The following ERI2 variants were observed in gnomAD, a reference collection of about 807,000 sequenced individuals.
The protein encoded by ERI2 is ERI1 exoribonuclease family member 2.
In ERI2, 35 loss-of-function variants were observed where a neutral mutation model predicts 46.8. The ratio of observed to expected loss-of-function variants is 0.75; its 90% CI spans 0.57 to 0.99. ERI2 has a LOEUF of 0.99. Ranked by LOEUF, ERI2 falls within the 50% of genes least tolerant of loss-of-function variation. The probability of loss-of-function intolerance (pLI) is 0.00; values close to 1 mark genes in which losing one functional copy is unlikely to be tolerated. For missense variants in ERI2, 695 were observed against 796.2 expected, an observed-to-expected ratio of 0.87 and a Z score of 1.53; for synonymous variants, 224 against 271.0, an observed-to-expected ratio of 0.83 and a Z score of 1.70.
intron 10 of ERI2, among the ~76,000 whole-genome samples, chr16:20,785,814 TAAC>T (rs1367095721): frequency 6.6e-6 from 1 of 152,172 alleles, no homozygotes; most frequent in Non-Finnish European, 1.5e-5. Flanking sequence ...AGAAATAGCA[TAAC>T]AAGTATGCTA....
downstream of ERI2, among the ~76,000 whole-genome samples, chr16:20,791,569 A>G (rs969020782): frequency 1.3e-5 from 2 of 152,132 alleles, no homozygotes; most frequent in Admixed American, 6.5e-5. Flanking sequence ...TTCACAATCT[A>G]TCTCTTCCTA....
intron 4 of ERI2, among the ~76,000 whole-genome samples, chr16:20,802,071 G>A (rs533109532): frequency 6.7e-6 from 1 of 149,550 alleles, no homozygotes; most frequent in African/African-American, 2.4e-5. Flanking sequence ...GAGTCCTGAG[G>A]TGACTCACGC....
intron 10 of ERI2, chr16:20,784,659 C>A (rs2080430306): frequency 1.2e-5 from 2 of 163,674 alleles, no homozygotes; most frequent in South Asian, 1.8e-4. Flanking sequence ...TTATGGGGTA[C>A]CTTCCCTAAG....
At chr16:20,786,309 T>A in intron 10 of ERI2, 1 of 1,369,582 alleles carries the variant, frequency 7.3e-7, no homozygotes, top group Non-Finnish European at 9.6e-7. Flanking sequence ...TGAAAATGAT[T>A]AGAAATGTTA....
chr16:20,782,172 TGAAAGGGTTCATTG>T (rs2080366062), intron 10 of ERI2, among the ~76,000 whole-genome samples: 1 of 152,220 alleles, frequency 6.6e-6, no homozygotes, highest in Admixed American at 6.5e-5. Context: ...TGATTCCATT[TGAAAGGGTTCATTG>T]GTAATCCAAA....
intron 7 of ERI2, 75 bp downstream of exon 7, chr16:20,799,882 T>C (rs1354470837): frequency 2.3e-6 from 2 of 873,186 alleles, no homozygotes; most frequent in Admixed American, 4.3e-5. Context: ...ACTAATGACA[T>C]TACCAAAAAA....
At chr16:20,801,100 T>C in intron 5 of ERI2, 103 bp downstream of exon 5, 1 of 1,116,270 alleles carries the variant, frequency 9.0e-7, no homozygotes, top group East Asian at 2.8e-5. Context: ...CCCAGAAGAT[T>C]AACAAACATA....
rs2080755886 is a variant in ERI2, at chr16:20,798,232, C to T, written c.1568G>A (p.Gly523Glu). 1.9e-6 allele frequency: 3 copies of T among 1,551,528 alleles called. No homozygotes were observed. The highest frequency in any genetic ancestry group is 1.7e-6 in the Non-Finnish European group (2 of 1,146,908). Residue 523 changes from glycine (G) to glutamate (E), a missense_variant, in exon 9 of 9, where the codon GGG becomes GAG. Gly to Glu is a moderately conservative substitution (Grantham distance 98). Transcript: ENST00000357967. ...NANMSHPLVLGKHPLLSGGTK... is the reference protein window; with the variant it reads ...NANMSHPLVLEKHPLLSGGTK... ...ACCACCTGAAAGAAGAGGATGTTTC[C>T]CCAAAACTAAAGGATGAGACATATT...
exon 10 of ERI2, chr16:20,789,506 T>C: frequency 6.2e-7 from 1 of 1,613,828 alleles, no homozygotes; most frequent in Non-Finnish European, 8.5e-7. Context: ...TATTCCCCTT[T>C]TCCTGTTTAC....
Position 20,798,126 on chromosome 16 carries a change from T to C in ERI2, c.1674A>G (p.Thr558=). Residue 558 remains threonine, a synonymous_variant, in exon 9 of 9, where the codon ACA becomes ACG. Transcript: ENST00000357967. ...QPFTIHEEKP[T]SSDCSPVRSS... is the part of the protein sequence containing the mutation. The stretch of plus-strand genomic sequence containing the variant: ...TTCTTACTGGGGAGCAATCAGATGA[T>C]GTAGGCTTTTCTTCATGAATAGTGA... 6.4e-7 allele frequency: 1 copy of C among 1,551,532 alleles called. No homozygotes were observed. Among genetic ancestry groups the C allele is most frequent in the Non-Finnish European group, 8.7e-7 (1 of 1,146,908 alleles).
intron 8 of ERI2, among the ~76,000 whole-genome samples, chr16:20,791,240 TTA>T (rs2080590207): frequency 6.6e-6 from 1 of 152,228 alleles, no homozygotes; most frequent in Non-Finnish European, 1.5e-5. Context: ...TTGTTTTTTC[TTA>T]TGTCAGACTT....
At position 20,798,908 on chromosome 16, in the gene ERI2, T is replaced by C. The variant is rs557835094; in HGVS notation, c.892A>G (p.Ile298Val). 1.0e-5 allele frequency: 16 copies of C among 1,550,952 alleles called. No homozygotes were observed. Among genetic ancestry groups the C allele is most frequent in the South Asian group, 2.4e-5 (2 of 83,772 alleles). The change falls in exon 9 of 9, where the codon ATT becomes GTT. Residue 298 changes from isoleucine to valine, a missense_variant. By Grantham distance (29) the Ile-to-Val change is conservative. Transcript: ENST00000357967. ...GCCTTTATAGGAGAATTTGCACAAA[T>C]TGACTTCATTTGAACTTTTTCATGA... Reference protein sequence around the residue: ...NPHEKVQMKSICANSPIKAQQ... With the variant: ...NPHEKVQMKSVCANSPIKAQQ...
intron 10 of ERI2, among the ~76,000 whole-genome samples, chr16:20,785,861 G>A (rs545231578): frequency 1.3e-5 from 2 of 152,174 alleles, no homozygotes; most frequent in African/African-American, 4.8e-5. Flanking sequence ...CTCATGTTTT[G>A]ATAAATATGG....
chr16:20,792,203 A>T (rs776198590), downstream of ERI2: 13 of 1,613,816 alleles, frequency 8.1e-6, no homozygotes, highest in East Asian at 2.7e-4. Context: ...CCTGCCACTC[A>T]CCTGTATGTA....
downstream of ERI2, chr16:20,792,099 C>T: frequency 6.2e-7 from 1 of 1,614,090 alleles, no homozygotes; most frequent in Non-Finnish European, 8.5e-7. Flanking sequence ...TGGTTTGTTG[C>T]AAGAGCAGAT....
chr16:20,796,278 A>C, downstream of ERI2: 5 of 1,533,758 alleles, frequency 3.3e-6, no homozygotes, highest in Non-Finnish European at 4.4e-6. Context: ...CCACCCCACC[A>C]GGCATGTAGA....
At chr16:20,781,478 T>C (rs2080351762) in intron 10 of ERI2, among the ~76,000 whole-genome samples, 2 of 152,226 alleles carry the variant, frequency 1.3e-5, no homozygotes, top group Admixed American at 1.3e-4. Context: ...ATTTAAAGTA[T>C]ACGGGAGGAT....
Position 20,802,886 on chromosome 16 carries a change from TC to T in ERI2, c.212del (p.Gly71AspfsTer26), listed in dbSNP as rs1371528097. The T allele has an allele frequency of 1.9e-6, 3 of 1,610,032 alleles. No homozygotes were observed. The highest frequency in any genetic ancestry group is 2.5e-6 in the Non-Finnish European group (3 of 1,177,186). ...AAGCCTGGAACTCAGAGTCAATCTG[TC>T]CAGTTGATGTGTTCAGCAACACTGC... ...FPAVLLNTST[G>X]QIDSEFQAYV... On this transcript the variant is annotated frameshift_variant, in exon 4 of 9. Transcript: ENST00000357967. LOFTEE classifies it high-confidence loss of function.
Position 20,790,810 on chromosome 16 carries a change from C to A in ERI2, c.815+40G>T, listed in dbSNP as rs776916588. 6.2e-7 allele frequency: 1 copy of A among 1,613,614 alleles called. No individual in the cohort carries two copies. Among genetic ancestry groups the A allele is most frequent in the East Asian group, 2.2e-5 (1 of 44,878 alleles). On this transcript the variant is annotated intron_variant, in intron 9 of 10. Coordinates refer to the ERI2 transcript ENST00000300005. The surrounding 1 kb of genome is among the most constrained non-coding windows in gnomAD (Gnocchi z 4.0). Reference sequence around the variant, plus strand: ...GACCCTTTCTTGAGAGATTGGTTGTCCTGAATAGTAATCCAAAAGACAAGA... The same window carrying A: ...GACCCTTTCTTGAGAGATTGGTTGTACTGAATAGTAATCCAAAAGACAAGA...
Sources: allele counts gnomAD v4.1 joint callset (sites outside exome capture counted in the v4.1 genomes callset), GRCh38; gene constraint gnomAD v4.1.1; non-coding constraint Gnocchi (gnomAD v3.1); transcripts MANE v1.5; gene names NCBI Gene and HGNC (gene_info 2026-07-23, HGNC 2026-07-21).